GMIP: variants seen among roughly 807,000 people sequenced by gnomAD.
The protein encoded by GMIP is GEM interacting protein.
Under a neutral mutation model 105.3 loss-of-function variants are expected in GMIP, and 54 were observed. The ratio of observed to expected loss-of-function variants is 0.51; its 90% CI spans 0.41 to 0.64. The LOEUF (loss-of-function observed/expected upper bound fraction) is 0.64, where lower values mean the gene tolerates loss of function less well. Among genes scored for constraint, GMIP ranks in the 30% least tolerant of loss-of-function variants. The pLI is 0.00. For missense variants in GMIP, 1,110 were observed against 1,319.4 expected (o/e 0.84, Z 2.46); for synonymous variants, 541 against 560.8 (o/e 0.96, Z 0.50).
At chr19:19,640,415 G>T in intron 5 of GMIP, 31 bp downstream of exon 5, 1 of 1,614,088 alleles carries the variant, frequency 6.2e-7, no homozygotes, top group South Asian at 1.1e-5. Context: ...GGACTGCCTG[G>T]TAACTGGGGC....
rs773189943 is a variant in GMIP at position 19,635,009 on chromosome 19, A to G, written c.1749+16T>C. 1 of 1,613,214 alleles carries G rather than the reference A, an allele frequency of 6.2e-7. No homozygotes were observed. Among genetic ancestry groups the G allele is most frequent in the Non-Finnish European group, 8.5e-7 (1 of 1,179,390 alleles). On this transcript the variant is annotated intron_variant, in intron 16 of 20. Transcript: ENST00000203556. This position sits in a 1 kb window ranked among gnomAD's most constrained non-coding sequence, Gnocchi z 4.7. ...GTCAGGTCACTTCTGGGGATGATGA[A>G]GGGTCAGGGCAGCACCTGCACATCC... is the stretch of plus-strand genomic sequence containing the variant.
rs764412314 is a variant in GMIP at position 19,640,183 on chromosome 19, G to C, written c.439C>G (p.Pro147Ala). Residue 147 changes from proline (P) to alanine (A), a missense_variant, in exon 7 of 21, where the codon CCT (proline) becomes GCT (alanine). Pro to Ala is a conservative substitution (Grantham distance 27). Around this residue, in one of 3 missense-constraint regions of GMIP, gnomAD observed 667 missense variants for 773.2 expected, o/e 0.86. Coordinates refer to ENST00000203556, the MANE Select transcript of GMIP (RefSeq NM_016573.4). Reference sequence around the variant, plus strand: ...AACAGGGTGTAGATGTACTGCAGAGGCATGTGGCTCTGGGGAAGACAGAGT... The same window carrying C: ...AACAGGGTGTAGATGTACTGCAGAGCCATGTGGCTCTGGGGAAGACAGAGT... The part of the protein sequence containing the change: ...KVSIQQQSHM[P>A]LQYIYTLFLE... The C allele has an allele frequency of 6.2e-7, 1 of 1,609,102 alleles. No individual in the cohort carries two copies. The highest frequency in any genetic ancestry group is 8.5e-7 in the Non-Finnish European group (1 of 1,175,864).
chr19:19,640,955 C>T (rs996409923), intron 4 of GMIP, among the ~76,000 whole-genome samples: 9 of 149,984 alleles, frequency 6.0e-5, no homozygotes, highest in South Asian at 2.1e-4. Context: ...TTAGTAGAGA[C>T]GAGGTTTCTC....
chr19:19,629,869 G>C lies in GMIP; in HGVS notation c.*94C>G. 1 of 1,253,104 alleles carries C rather than the reference G, an allele frequency of 8.0e-7. No individual in the cohort carries two copies. Among genetic ancestry groups the C allele is most frequent in the Non-Finnish European group, 1.1e-6 (1 of 909,544 alleles). 77.6% of individuals were successfully genotyped at this position (1,253,104 alleles called of 1,614,324 possible). A position where few individuals can be genotyped will look rare whatever the true frequency, so the allele number is the denominator to read the frequency against. ...GGACCTCTCCCAGCATTGAACTCCT[G>C]GCGGGGTGTTTGGCCACTAGGTGGT... On this transcript the variant is annotated 3_prime_UTR_variant, in exon 21 of 21. Transcript: ENST00000203556.
Position 19,637,901 on chromosome 19 carries a change from CCTTGGGGATGGG to C in GMIP, c.927+7_927+18del, listed in dbSNP as rs751823198. On this transcript the variant is annotated splice_region_variant and intron_variant, in intron 10 of 20. Transcript: ENST00000203556. This position sits in a 1 kb window ranked among gnomAD's most constrained non-coding sequence, Gnocchi z 6.7. ...CCCCAACGGGGTGAGGGGAGGATGG[CCTTGGGGATGGG>C]CCTCACCCGCCTCAGCACTTCATCC... 1.1e-5 allele frequency: 18 copies of C among 1,585,210 alleles called. 1 individual carries two copies. The South Asian group carries it at 2.1e-4, about 18-fold the overall frequency.
chr19:19,634,955 C>T lies in GMIP; in HGVS notation c.1750-26G>A. 6.2e-7 allele frequency: 1 copy of T among 1,613,748 alleles called. No individual in the cohort carries two copies. The highest frequency in any genetic ancestry group is 8.5e-7 in the Non-Finnish European group (1 of 1,179,832). Reference sequence around the variant, plus strand: ...CTGCAGGGTGAGGGTGAAAAACAGACACCTGGTTCGTGATAGGCCATCGAT... The same window carrying T: ...CTGCAGGGTGAGGGTGAAAAACAGATACCTGGTTCGTGATAGGCCATCGAT... On this transcript the variant is annotated intron_variant, in intron 16 of 20. Coordinates refer to ENST00000203556, the MANE Select transcript of GMIP (RefSeq NM_016573.4). The surrounding 1 kb of genome is among the most constrained non-coding windows in gnomAD (Gnocchi z 6.1).
rs74531431 is a variant in GMIP at position 19,639,438 on chromosome 19, C to T, written c.537+647G>A. On this transcript the variant is annotated intron_variant, in intron 7 of 20. Coordinates refer to ENST00000203556, the MANE Select transcript of GMIP (RefSeq NM_016573.4). ...GGGTCTTCTCCAGACCTGCTCTCCC[C>T]GACCCCTGAGTCCAGAAGTCTCATG... Among the ~76,000 whole-genome samples the T allele has an allele frequency of 9.2e-3, 1,399 of 152,032 alleles. 25 individuals are homozygous for T. Among genetic ancestry groups the T allele is most frequent in the African/African-American group, 0.032 (1,319 of 41,476 alleles).
Position 19,643,570 on chromosome 19 carries a change from A to T in GMIP, c.-41T>A, listed in dbSNP as rs1307863979. Reference sequence around the variant, plus strand: ...TCGCTCTGCAGGGACCGGGATGGGGATGGGGTCGCGCGCCGGCGGGGCCGA... The same window carrying T: ...TCGCTCTGCAGGGACCGGGATGGGGTTGGGGTCGCGCGCCGGCGGGGCCGA... On this transcript the variant is annotated 5_prime_UTR_variant, in exon 1 of 21. Coordinates refer to ENST00000203556, the MANE Select transcript of GMIP (RefSeq NM_016573.4). 1.3e-6 allele frequency: 2 copies of T among 1,516,418 alleles called. No homozygotes were observed. Among genetic ancestry groups the T allele is most frequent in the Admixed American group, 2.1e-5 (1 of 48,152 alleles). The allele number at this position is 1,516,418 out of a possible 1,614,324, so 93.9% of individuals were successfully genotyped here.
In GMIP at chr19:19,641,781, C is replaced by T. The variant is rs370491600; in HGVS notation, c.238+29G>A. The stretch of plus-strand genomic sequence containing the variant: ...TTGAAGGAAAGACTCCTGTCTGTCC[C>T]CACTGTCCTGGCCTCCAGACCCCCC... On this transcript the variant is annotated intron_variant, in intron 4 of 20. Coordinates refer to ENST00000203556, the MANE Select transcript of GMIP (RefSeq NM_016573.4). 1.1e-5 allele frequency: 17 copies of T among 1,529,020 alleles called. No homozygotes were observed. In the African/African-American group the frequency reaches 2.2e-4, roughly 20 times the overall value. 94.7% of individuals were successfully genotyped at this position (1,529,020 alleles called of 1,614,324 possible).
rs2061902872 is a variant in GMIP, at chr19:19,640,156, G to C, written c.466C>G (p.Leu156Val). The C allele has an allele frequency of 6.2e-7, 1 of 1,613,868 alleles. No individual in the cohort carries two copies. The change falls in exon 7 of 21, where the codon CTG (leucine) becomes GTG (valine). Residue 156 changes from leucine to valine, a missense_variant. This residue lies in a region of GMIP where 667 missense variants were observed against 773.2 expected (regional missense o/e 0.86). Transcript: ENST00000203556. ...GTTCCCAGGCTGAGATCGTGCTCCA[G>C]AAACAGGGTGTAGATGTACTGCAGA... ...MPLQYIYTLF[L>V]EHDLSLGTLA... is the part of the protein sequence containing the mutation.
rs545885750 is a variant in GMIP, at chr19:19,639,601, C to T, written c.537+484G>A. Among the ~76,000 whole-genome samples, 9 of 152,228 alleles carry T rather than the reference C, an allele frequency of 5.9e-5. No homozygotes were observed. The South Asian group carries it at 1.9e-3, about 32-fold the overall frequency. On this transcript the variant is annotated intron_variant, in intron 7 of 20. Coordinates refer to ENST00000203556, the MANE Select transcript of GMIP (RefSeq NM_016573.4). Reference sequence around the variant, plus strand: ...TGGTGGCTCACGCCTGTAATCCCACCACTTTGGGAAGCTGAGGTAGGTGGA... The same window carrying T: ...TGGTGGCTCACGCCTGTAATCCCACTACTTTGGGAAGCTGAGGTAGGTGGA...
Position 19,637,937 on chromosome 19 carries a change from C to A in GMIP, c.910G>T (p.Asp304Tyr). 1 of 1,607,220 alleles carries A rather than the reference C, an allele frequency of 6.2e-7. No individual in the cohort carries two copies. Among genetic ancestry groups the A allele is most frequent in the Non-Finnish European group, 8.5e-7 (1 of 1,177,482 alleles). Residue 304 changes from aspartate to tyrosine, a missense_variant, in exon 10 of 21, where the codon GAT (aspartate) becomes TAT (tyrosine). This residue lies in a region of GMIP where 667 missense variants were observed against 773.2 expected (regional missense o/e 0.86). Transcript: ENST00000203556. This position sits in a 1 kb window ranked among gnomAD's most constrained non-coding sequence, Gnocchi z 6.7. ...GGCCTCACCCGCCTCAGCACTTCAT[C>A]CCCCTGAAACACCAGCTTGCGCACG... ...SHVRKLVFQG[D>Y]EVLRRVTLSL... is the part of the protein sequence containing the mutation.
rs1035945574 is a variant in GMIP, at chr19:19,630,908, G to A, written c.2473-371C>T. Among the ~76,000 whole-genome samples, 1 of 152,110 alleles carries A rather than the reference G, an allele frequency of 6.6e-6. No individual in the cohort carries two copies. Among genetic ancestry groups the A allele is most frequent in the Admixed American group, 6.5e-5 (1 of 15,268 alleles). On this transcript the variant is annotated intron_variant, in intron 19 of 20. Transcript: ENST00000203556. The surrounding 1 kb of genome is among the most constrained non-coding windows in gnomAD (Gnocchi z 4.8). ...TTGGGGATAGACGATGCCCTTATAA[G>A]TGTACTGCTTGGCCAGGCATGGTGG...
chr19:19,637,329 G>A lies in GMIP; in HGVS notation c.1124+36C>T, dbSNP rs1180576111. ...GCCAACAGCCTGGCATCGCGATTCCGGGGCTCGTTCCCGACTCCCTGCTCC... is the reference window on the plus strand; with the variant it reads ...GCCAACAGCCTGGCATCGCGATTCCAGGGCTCGTTCCCGACTCCCTGCTCC... On this transcript the variant is annotated intron_variant, in intron 11 of 20. Transcript: ENST00000203556. This position sits in a 1 kb window ranked among gnomAD's most constrained non-coding sequence, Gnocchi z 6.7. 7.3e-6 allele frequency: 10 copies of A among 1,369,648 alleles called. No individual in the cohort carries two copies. Among genetic ancestry groups the A allele is most frequent in the East Asian group, 2.5e-5 (1 of 39,628 alleles). The allele number at this position is 1,369,648 out of a possible 1,614,324, so 84.8% of individuals were successfully genotyped here.
At chr19:19,642,429 G>T in intron 2 of GMIP, 106 bp downstream of exon 2, 1 of 718,170 alleles carries the variant, frequency 1.4e-6, no homozygotes. Flanking sequence ...TATTAGGTAT[G>T]TAGGTCCAGA....
chr19:19,637,636 G>A lies in GMIP; in HGVS notation c.928-75C>T, dbSNP rs2061869834. 1 of 1,232,420 alleles carries A rather than the reference G, an allele frequency of 8.1e-7. No individual in the cohort carries two copies. Among genetic ancestry groups the A allele is most frequent in the Non-Finnish European group, 1.1e-6 (1 of 917,832 alleles). 76.3% of individuals were successfully genotyped at this position (1,232,420 alleles called of 1,614,324 possible). A position where few individuals can be genotyped will look rare whatever the true frequency, so the allele number is the denominator to read the frequency against. On this transcript the variant is annotated intron_variant, in intron 10 of 20. Transcript: ENST00000203556. This position sits in a 1 kb window ranked among gnomAD's most constrained non-coding sequence, Gnocchi z 6.7. ...GGGGCAGGGCCAGAGCTGGGGCGGG[G>A]CTTGAGAGACGCGAACGTGGTCAGG... is the stretch of plus-strand genomic sequence containing the variant.
intron 19 of GMIP, among the ~76,000 whole-genome samples, chr19:19,632,642 T>C (rs1347074259): frequency 2.0e-5 from 3 of 152,208 alleles, no homozygotes; most frequent in African/African-American, 7.2e-5. Context: ...ACTGTCTACC[T>C]CTCAGGACTG....
At position 19,633,965 on chromosome 19, in the gene GMIP, G is replaced by C; in HGVS notation, c.2310C>G (p.Pro770=). ...GCCCAGGGGCTGGGCTGGAGTCTTG[G>C]GGCGGGGGCTCAGTGGCCTGGGGGA... ...DELPQATEPP[P]QDSSPAPGPL... is the part of the protein sequence containing the mutation. The change falls in exon 19 of 21, where the codon CCC becomes CCG. Residue 770 remains proline (P), a synonymous_variant. Transcript: ENST00000203556. 4 of 1,591,008 alleles carry C rather than the reference G, an allele frequency of 2.5e-6. No individual in the cohort carries two copies. Among genetic ancestry groups the C allele is most frequent in the East Asian group, 2.3e-5 (1 of 44,216 alleles).
chr19:19,642,714 G>T, intron 1 of GMIP, 95 bp from the exon 2 acceptor site: 1 of 601,400 alleles, frequency 1.7e-6, no homozygotes. Flanking sequence ...GAAGAGAAAG[G>T]GAAGAGTGAG....
Sources: gnomAD v4.1 joint callset for allele counts (sites outside exome capture counted in the v4.1 genomes callset) on GRCh38, gnomAD v4.1.1 for gene constraint, gnomAD v4.1.1 regional missense constraint, Gnocchi (gnomAD v3.1) non-coding constraint, MANE v1.5 for transcripts, NCBI Gene and HGNC (gene_info 2026-07-23, HGNC 2026-07-21) for gene names.